The following GLIS1 variants were observed in gnomAD, a reference collection of about 807,000 sequenced individuals.
The protein encoded by GLIS1 is zinc finger protein GLIS1.
GLIS1 carries 24 observed loss-of-function variants against 63.8 expected under a neutral mutation model. The observed-to-expected ratio is 0.38, with a 90% CI of 0.27 to 0.53. GLIS1 has a LOEUF of 0.53. GLIS1 is among the 20% of genes least tolerant of loss of function. The probability of loss-of-function intolerance (pLI) is 0.85; values close to 1 mark genes in which losing one functional copy is unlikely to be tolerated. For synonymous variants in GLIS1, 450 were observed against 482.5 expected (o/e 0.93, Z 0.88); for missense variants, 1,036 against 1,074.1 (o/e 0.96, Z 0.50).
At chr1:53,600,969 T>C (rs1342844756) in intron 2 of GLIS1, among the ~76,000 whole-genome samples, 6 of 152,176 alleles carry the variant, frequency 3.9e-5, no homozygotes, top group Non-Finnish European at 5.9e-5. Flanking sequence ...AAAAACCACA[T>C]AAAGTGTAAC....
intron 4 of GLIS1, among the ~76,000 whole-genome samples, chr1:53,566,799 A>T (rs1490906823): frequency 6.6e-6 from 1 of 152,194 alleles, no homozygotes; most frequent in East Asian, 1.9e-4. Context: ...ACCTTCCGCC[A>T]TGATTCCAAG....
chr1:53,565,338 G>A (rs1409056827), intron 4 of GLIS1, among the ~76,000 whole-genome samples: 1 of 151,568 alleles, frequency 6.6e-6, no homozygotes, highest in Non-Finnish European at 1.5e-5. Context: ...ATTACAAAAG[G>A]GACAGCAAAA....
chr1:53,665,503 G>C (rs1646081439), intron 2 of GLIS1, among the ~76,000 whole-genome samples: 1 of 151,388 alleles, frequency 6.6e-6, no homozygotes, highest in African/African-American at 2.4e-5. Flanking sequence ...AAGTCTAACA[G>C]CTAGGTGCAG....
At chr1:53,660,385 C>T (rs182276822) in intron 2 of GLIS1, among the ~76,000 whole-genome samples, 59 of 152,334 alleles carry the variant, frequency 3.9e-4, no homozygotes, top group African/African-American at 1.3e-3. Context: ...GCATCAGGCC[C>T]TGAATGTCAG....
chr1:53,665,044 T>G (rs1338991548), intron 2 of GLIS1, among the ~76,000 whole-genome samples: 1 of 152,062 alleles, frequency 6.6e-6, no homozygotes, highest in Non-Finnish European at 1.5e-5. Context: ...CTTTCAATTT[T>G]GTGAGATCGC....
chr1:53,507,217 C>A (rs953197015), intron 10 of GLIS1, among the ~76,000 whole-genome samples: 3 of 152,222 alleles, frequency 2.0e-5, no homozygotes, highest in African/African-American at 7.2e-5. Flanking sequence ...AGGCCACCAG[C>A]ATTTACTGGG....
chr1:53,633,500 G>A (rs1028110986), intron 2 of GLIS1, among the ~76,000 whole-genome samples: 3 of 151,854 alleles, frequency 2.0e-5, no homozygotes, highest in Non-Finnish European at 4.4e-5. Flanking sequence ...TGTGGCTGAG[G>A]GGTGTGAATG....
At chr1:53,595,276 G>A (rs1645243306) in intron 3 of GLIS1, among the ~76,000 whole-genome samples, 1 of 152,144 alleles carries the variant, frequency 6.6e-6, no homozygotes, top group Non-Finnish European at 1.5e-5. Flanking sequence ...CAGCACTTTG[G>A]GAAGGCAAGG....
chr1:53,515,066 G>A (rs1557941341), intron 7 of GLIS1, among the ~76,000 whole-genome samples: 2 of 132,300 alleles, frequency 1.5e-5, no homozygotes, highest in Non-Finnish European at 3.2e-5. Flanking sequence ...GGGTGCTTAG[G>A]GTGTGTGTGT....
intron 2 of GLIS1, among the ~76,000 whole-genome samples, chr1:53,638,622 C>G (rs1645752459): frequency 1.3e-5 from 2 of 152,322 alleles, no homozygotes; most frequent in South Asian, 4.1e-4. Flanking sequence ...TGGCAAAGAC[C>G]CTGGCGTCTG....
At chr1:53,604,015 T>G (rs1258265678) in intron 2 of GLIS1, among the ~76,000 whole-genome samples, 1 of 152,224 alleles carries the variant, frequency 6.6e-6, no homozygotes. Flanking sequence ...GGTTTTCTCA[T>G]CAAGCCTCAA....
At chr1:53,597,182 A>T (rs1645265192) in intron 3 of GLIS1, among the ~76,000 whole-genome samples, 1 of 82,496 alleles carries the variant, frequency 1.2e-5, no homozygotes, top group South Asian at 3.5e-4. Flanking sequence ...CTACTAAAAA[A>T]AAAAAAAAAA....
intron 2 of GLIS1, among the ~76,000 whole-genome samples, chr1:53,737,450 T>G (rs898581475): frequency 2.0e-5 from 3 of 152,242 alleles, no homozygotes; most frequent in African/African-American, 7.2e-5. Context: ...TACTTCAAAC[T>G]ATGCCTTGAG....
At chr1:53,716,851 A>C (rs923157227) in intron 2 of GLIS1, among the ~76,000 whole-genome samples, 11 of 152,236 alleles carry the variant, frequency 7.2e-5, no homozygotes, top group African/African-American at 2.7e-4. Flanking sequence ...CTCTGTCTAG[A>C]ACTGAAGGTC....
At chr1:53,633,293 G>A (rs1406663091) in intron 2 of GLIS1, among the ~76,000 whole-genome samples, 1 of 149,140 alleles carries the variant, frequency 6.7e-6, no homozygotes, top group Non-Finnish European at 1.5e-5. Flanking sequence ...TGTGGCTGAG[G>A]GGCGTGTGAA....
chr1:53,625,202 A>C (rs1386147208), intron 2 of GLIS1, among the ~76,000 whole-genome samples: 1 of 152,198 alleles, frequency 6.6e-6, no homozygotes, highest in East Asian at 1.9e-4. Flanking sequence ...CCCTGAGGAG[A>C]TGACTCTTGA....
intron 2 of GLIS1, among the ~76,000 whole-genome samples, chr1:53,713,220 T>C (rs1646663933): frequency 3.3e-5 from 3 of 91,838 alleles, no homozygotes; most frequent in African/African-American, 4.2e-5. Context: ...CTGGGCAACA[T>C]GGTGAGACCT....
chr1:53,600,365 C>A, intron 2 of GLIS1, 87 bp from the exon 3 acceptor site: 1 of 842,062 alleles, frequency 1.2e-6, no homozygotes, highest in Non-Finnish European at 1.6e-6. Flanking sequence ...CCCTGGGGTA[C>A]AGCAAGGGAC....
In GLIS1 at chr1:53,594,349, C is replaced by T. The variant is rs1482036228; in HGVS notation, c.1079G>A (p.Gly360Asp). The T allele has an allele frequency of 1.2e-6, 2 of 1,611,440 alleles. No individual in the cohort carries two copies. The highest frequency in any genetic ancestry group is 1.3e-5 in the African/African-American group (1 of 74,914). ...CCCGGCCACCACCCTGCCTGCCAGG[C>T]CCAGCCCCAGGCCTCCAAGGCTTGG... is the stretch of plus-strand genomic sequence containing the variant. The part of the protein sequence containing the change: ...PGPSLGGLGL[G>D]LAGRVVAGRQ... The change falls in exon 4 of 11, where the codon GGC becomes GAC. Residue 360 changes from glycine (G) to aspartate (D), a missense_variant. Around this residue, in one of 3 missense-constraint regions of GLIS1, gnomAD observed 592 missense variants for 593.9 expected, o/e 1.00. Transcript: ENST00000628545.
Sources: gnomAD v4.1 joint callset for allele counts (sites outside exome capture counted in the v4.1 genomes callset) on GRCh38, gnomAD v4.1.1 for gene constraint, gnomAD v4.1.1 regional missense constraint, MANE v1.5 for transcripts, NCBI Gene and HGNC (gene_info 2026-07-23, HGNC 2026-07-21) for gene names.